CTNNA3: variants seen among roughly 807,000 people sequenced by gnomAD.
The protein encoded by CTNNA3 is catenin alpha-3.
A neutral mutation model predicts 95.7 loss-of-function variants in CTNNA3; 76 were observed. That is an observed-to-expected ratio of 0.79 (90% CI 0.66 to 0.96). The LOEUF is 0.96. Ranked by LOEUF, CTNNA3 falls within the 40% of genes least tolerant of loss-of-function variation. CTNNA3 has a pLI of 0.00. For synonymous variants in CTNNA3, 431 were observed against 374.4 expected (o/e 1.15, Z -1.74); for missense variants, 1,191 against 1,089.8 (o/e 1.09, Z -1.31).
intron 4 of CTNNA3, among the ~76,000 whole-genome samples, chr10:67,526,338 T>C (rs1185620298): frequency 2.0e-5 from 3 of 148,834 alleles, no homozygotes; most frequent in African/African-American, 5.0e-5. Flanking sequence ...CTCACATACA[T>C]ATCTCAAATG....
intron 12 of CTNNA3, among the ~76,000 whole-genome samples, chr10:66,285,134 G>A (rs750228685): frequency 1.1e-4 from 17 of 151,480 alleles, no homozygotes; most frequent in Non-Finnish European, 1.8e-4. Flanking sequence ...CACATCACAT[G>A]GTTAACAAGA....
At chr10:67,294,262 A>G (rs982877556) in intron 5 of CTNNA3, among the ~76,000 whole-genome samples, 35 of 152,214 alleles carry the variant, frequency 2.3e-4, no homozygotes, top group Non-Finnish European at 2.1e-4. Context: ...ATATATAAGG[A>G]AATCTAATAC....
chr10:67,181,095 C>A (rs1862516967), intron 6 of CTNNA3, among the ~76,000 whole-genome samples: 1 of 152,128 alleles, frequency 6.6e-6, no homozygotes, highest in Non-Finnish European at 1.5e-5. Context: ...AGACAAGTAT[C>A]CATGTCTTTC....
chr10:67,156,843 G>T (rs1861331898), intron 7 of CTNNA3, among the ~76,000 whole-genome samples: 1 of 151,868 alleles, frequency 6.6e-6, no homozygotes, highest in African/African-American at 2.4e-5. Flanking sequence ...CTTCCTTATT[G>T]ATATTTTGTC....
chr10:67,027,387 A>C (rs1853455286), intron 7 of CTNNA3, among the ~76,000 whole-genome samples: 1 of 150,892 alleles, frequency 6.6e-6, no homozygotes, highest in Non-Finnish European at 1.5e-5. Flanking sequence ...AATATTAAAT[A>C]CCTATATTTC....
chr10:66,711,913 A>G (rs969820332), intron 9 of CTNNA3, among the ~76,000 whole-genome samples: 1 of 152,084 alleles, frequency 6.6e-6, no homozygotes, highest in Admixed American at 6.6e-5. Flanking sequence ...TTTACTATTT[A>G]GAATATTTGG....
At chr10:66,177,059 G>T (rs975753608) in intron 13 of CTNNA3, among the ~76,000 whole-genome samples, 1 of 152,040 alleles carries the variant, frequency 6.6e-6, no homozygotes, top group Non-Finnish European at 1.5e-5. Flanking sequence ...GCTTAAATCC[G>T]TGTAACACTC....
At chr10:67,228,588 G>A (rs1865040981) in intron 5 of CTNNA3, among the ~76,000 whole-genome samples, 1 of 151,676 alleles carries the variant, frequency 6.6e-6, no homozygotes, top group Non-Finnish European at 1.5e-5. Flanking sequence ...ACTCCAGCCT[G>A]GGCAACAAGA....
At chr10:67,103,008 T>C (rs1858428957) in intron 7 of CTNNA3, among the ~76,000 whole-genome samples, 1 of 151,812 alleles carries the variant, frequency 6.6e-6, no homozygotes, top group East Asian at 1.9e-4. Context: ...CCACCTATAA[T>C]ATCCTTGAAG....
rs1254463976 is a variant in CTNNA3 at position 66,927,330 on chromosome 10, G to A, written c.1048-151806C>T. On this transcript the variant is annotated intron_variant, in intron 7 of 17. Transcript: ENST00000433211. This position sits in a 1 kb window ranked among gnomAD's most constrained non-coding sequence, Gnocchi z 4.7. ...GACCTGTGACAAATTTACGGAACTT[G>A]GATCTGTCCTATAATCAGCTGCATT... 1 of 1,613,976 alleles carries A rather than the reference G, an allele frequency of 6.2e-7. No individual in the cohort carries two copies. Among genetic ancestry groups the A allele is most frequent in the Non-Finnish European group, 8.5e-7 (1 of 1,180,034 alleles).
intron 9 of CTNNA3, among the ~76,000 whole-genome samples, chr10:66,676,267 C>A (rs918387933): frequency 2.0e-5 from 3 of 151,942 alleles, no homozygotes; most frequent in Non-Finnish European, 2.9e-5. Flanking sequence ...AAAAGGTATT[C>A]AACTTTATGC....
At chr10:67,554,786 T>C (rs1378132690) in intron 3 of CTNNA3, among the ~76,000 whole-genome samples, 2 of 152,212 alleles carry the variant, frequency 1.3e-5, no homozygotes, top group East Asian at 1.9e-4. Flanking sequence ...ATTTTGGCTT[T>C]TGTTGCCATT....
intron 13 of CTNNA3, among the ~76,000 whole-genome samples, chr10:66,122,070 T>C (rs1383277126): frequency 6.6e-6 from 1 of 152,094 alleles, no homozygotes; most frequent in African/African-American, 2.4e-5. Flanking sequence ...GAATTTAAAA[T>C]ACTACTCTTA....
At chr10:67,290,937 T>C (rs1443165416) in intron 5 of CTNNA3, among the ~76,000 whole-genome samples, 9 of 152,146 alleles carry the variant, frequency 5.9e-5, no homozygotes, top group Admixed American at 2.0e-4. Flanking sequence ...TCACACATAA[T>C]TGATGTGTGG....
chr10:67,247,132 T>C (rs1589081657), intron 5 of CTNNA3, among the ~76,000 whole-genome samples: 1 of 152,304 alleles, frequency 6.6e-6, no homozygotes, highest in Non-Finnish European at 1.5e-5. Context: ...CTATCCAACA[T>C]TGCACTAGTT....
At chr10:66,634,386 A>T (rs1244087900) in intron 9 of CTNNA3, among the ~76,000 whole-genome samples, 4 of 152,160 alleles carry the variant, frequency 2.6e-5, no homozygotes, top group Admixed American at 6.5e-5. Context: ...TAAAATGATG[A>T]TTCACAAAAA....
At chr10:67,029,691 TA>T in intron 7 of CTNNA3, among the ~76,000 whole-genome samples, 1 of 152,308 alleles carries the variant, frequency 6.6e-6, no homozygotes, top group African/African-American at 2.4e-5. Flanking sequence ...GTGGCTCTAC[TA>T]AAGCGTAAAA....
intron 2 of CTNNA3, among the ~76,000 whole-genome samples, chr10:67,646,427 T>C (rs544387521): frequency 4.6e-5 from 7 of 152,200 alleles, no homozygotes; most frequent in African/African-American, 1.7e-4. Context: ...CCGTTAAGAC[T>C]GCCAAAGTTA....
chr10:66,664,420 A>G (rs953272009), intron 9 of CTNNA3, among the ~76,000 whole-genome samples: 1 of 152,152 alleles, frequency 6.6e-6, no homozygotes, highest in Admixed American at 6.6e-5. Context: ...TATGTAAGTT[A>G]CTGGCAGAGA....
Sources: allele counts gnomAD v4.1 joint callset (sites outside exome capture counted in the v4.1 genomes callset), GRCh38; gene constraint gnomAD v4.1.1; non-coding constraint Gnocchi (gnomAD v3.1); transcripts MANE v1.5; gene names NCBI Gene and HGNC (gene_info 2026-07-23, HGNC 2026-07-21).